Variants in HS3ST5 observed in about 807,000 individuals in gnomAD.
The protein encoded by HS3ST5 is heparan sulfate-glucosamine 3-sulfotransferase 5.
HS3ST5 carries 10 observed loss-of-function variants against 25.4 expected under a neutral mutation model. The observed-to-expected ratio is 0.39, with a 90% CI of 0.24 to 0.67. The LOEUF (loss-of-function observed/expected upper bound fraction) is 0.67. Ranked by LOEUF, HS3ST5 falls within the 30% of genes least tolerant of loss-of-function variation. The probability of loss-of-function intolerance (pLI) is 0.44; values close to 1 mark genes in which losing one functional copy is unlikely to be tolerated. For missense variants in HS3ST5, 324 were observed against 420.7 expected, an observed-to-expected ratio of 0.77 and a Z score of 2.01; for synonymous variants, 170 against 162.4, an observed-to-expected ratio of 1.05 and a Z score of -0.36.
intron 1 of HS3ST5, among the ~76,000 whole-genome samples, chr6:114,302,541 A>T (rs1775123701): frequency 6.6e-6 from 1 of 152,228 alleles, no homozygotes; most frequent in Non-Finnish European, 1.5e-5. Flanking sequence ...CTGGAGAGCA[A>T]TGTGTAATAA....
chr6:114,156,304 C>T (rs368891229), intron 3 of HS3ST5, among the ~76,000 whole-genome samples: 108 of 152,318 alleles, frequency 7.1e-4, no homozygotes, highest in African/African-American at 2.4e-3. Context: ...TGAGGTTCAC[C>T]ATGAGGCAAA....
chr6:114,127,839 AATATAT>A (rs375936050), intron 3 of HS3ST5, among the ~76,000 whole-genome samples: 1 of 149,168 alleles, frequency 6.7e-6, no homozygotes, highest in African/African-American at 2.5e-5. Flanking sequence ...AAAAAGGACA[AATATAT>A]ATATATATAT....
intron 3 of HS3ST5, among the ~76,000 whole-genome samples, chr6:114,120,682 G>A (rs947071051): frequency 7.0e-5 from 7 of 99,570 alleles, no homozygotes; most frequent in South Asian, 3.8e-4. Context: ...AAGATATAAA[G>A]TTGCTTTTCA....
chr6:114,203,444 G>A (rs1159889973), intron 2 of HS3ST5, among the ~76,000 whole-genome samples: 1 of 152,086 alleles, frequency 6.6e-6, no homozygotes, highest in South Asian at 2.1e-4. Context: ...TAAGATGTAG[G>A]CATAATTAGA....
chr6:114,337,546 T>C (rs1764327707), intron 1 of HS3ST5, among the ~76,000 whole-genome samples: 1 of 152,198 alleles, frequency 6.6e-6, no homozygotes, highest in Non-Finnish European at 1.5e-5. Flanking sequence ...TTACCTAATT[T>C]AAAAGTAGCT....
chr6:114,199,647 T>G (rs1780920764), intron 2 of HS3ST5, among the ~76,000 whole-genome samples: 1 of 152,208 alleles, frequency 6.6e-6, no homozygotes, highest in African/African-American at 2.4e-5. Context: ...CCCTCTTTTA[T>G]TTTTTAAAGA....
At chr6:114,256,827 G>A (rs972202021) in intron 1 of HS3ST5, among the ~76,000 whole-genome samples, 2 of 152,092 alleles carry the variant, frequency 1.3e-5, no homozygotes, top group Admixed American at 1.3e-4. Context: ...CACTCTACCA[G>A]TACCAATTTA....
chr6:114,215,522 T>C (rs1294320721), intron 2 of HS3ST5, among the ~76,000 whole-genome samples: 1 of 152,074 alleles, frequency 6.6e-6, no homozygotes, highest in Non-Finnish European at 1.5e-5. Context: ...GATATGACCC[T>C]TCTGCCCTTA....
intron 2 of HS3ST5, among the ~76,000 whole-genome samples, chr6:114,221,674 C>A (rs959237387): frequency 6.6e-6 from 1 of 151,248 alleles, no homozygotes; most frequent in African/African-American, 2.4e-5. Flanking sequence ...AAGTTCAGTC[C>A]TCATTTTTCT....
intron 3 of HS3ST5, among the ~76,000 whole-genome samples, chr6:114,095,610 C>A (rs1775380986): frequency 6.6e-6 from 1 of 152,048 alleles, no homozygotes. Context: ...CATCAGTAGC[C>A]CAAAAATGAC....
intron 1 of HS3ST5, among the ~76,000 whole-genome samples, chr6:114,260,368 C>A (rs1052204983): frequency 6.6e-6 from 1 of 152,074 alleles, no homozygotes; most frequent in African/African-American, 2.4e-5. Context: ...ATTACAAAAT[C>A]GCTAAAATTC....
At chr6:114,086,996 C>T (rs939401914) in intron 3 of HS3ST5, among the ~76,000 whole-genome samples, 2 of 152,174 alleles carry the variant, frequency 1.3e-5, no homozygotes, top group Admixed American at 1.3e-4. Flanking sequence ...TCACATAACT[C>T]TCACAGAAGC....
At chr6:114,138,546 A>G (rs1187921435) in intron 3 of HS3ST5, among the ~76,000 whole-genome samples, 2 of 152,206 alleles carry the variant, frequency 1.3e-5, no homozygotes, top group South Asian at 4.1e-4. Context: ...ACCATGCAGG[A>G]ATATCTTATA....
chr6:114,082,126 T>A (rs908962196), intron 3 of HS3ST5, among the ~76,000 whole-genome samples: 3 of 152,206 alleles, frequency 2.0e-5, no homozygotes, highest in Non-Finnish European at 4.4e-5. Context: ...AGAATTTCCT[T>A]CCATTCAGCA....
chr6:114,117,577 C>T (rs1415957358), intron 3 of HS3ST5, among the ~76,000 whole-genome samples: 1 of 152,152 alleles, frequency 6.6e-6, no homozygotes, highest in South Asian at 2.1e-4. Context: ...TACTCTAACC[C>T]TAAACCCAAA....
chr6:114,299,166 G>T (rs1309152177), intron 1 of HS3ST5, among the ~76,000 whole-genome samples: 4 of 152,068 alleles, frequency 2.6e-5, no homozygotes. Context: ...CTCTAAAATG[G>T]CCCCCTTGGG....
chr6:114,248,245 T>C (rs1331838933), intron 1 of HS3ST5, among the ~76,000 whole-genome samples: 3 of 148,006 alleles, frequency 2.0e-5, no homozygotes, highest in African/African-American at 7.4e-5. Context: ...TATAAAATAT[T>C]CACTATGGGC....
intron 1 of HS3ST5, among the ~76,000 whole-genome samples, chr6:114,318,662 C>A (rs560331619): frequency 1.3e-5 from 2 of 152,290 alleles, no homozygotes; most frequent in South Asian, 4.1e-4. Context: ...CCTAGAGCAA[C>A]CAGCATCGTG....
At chr6:114,223,854 T>C (rs1175394349) in intron 2 of HS3ST5, among the ~76,000 whole-genome samples, 1 of 151,766 alleles carries the variant, frequency 6.6e-6, no homozygotes, top group Non-Finnish European at 1.5e-5. Context: ...AATATTTGGC[T>C]TCATAATACA....
Sources: allele counts gnomAD v4.1 joint callset (sites outside exome capture counted in the v4.1 genomes callset), GRCh38; gene constraint gnomAD v4.1.1; transcripts MANE v1.5; gene names NCBI Gene and HGNC (gene_info 2026-07-23, HGNC 2026-07-21).